AVEN: variants seen among roughly 807,000 people sequenced by gnomAD.
The protein encoded by AVEN is apoptosis and caspase activation inhibitor, also known as cell death regulator Aven.
A neutral mutation model predicts 38.1 loss-of-function variants in AVEN; 41 were observed. The observed-to-expected ratio is 1.08, with a 90% CI of 0.84 to 1.40. The LOEUF (loss-of-function observed/expected upper bound fraction) is 1.40. Among genes scored for constraint, AVEN ranks in the 40% most tolerant of loss-of-function variants. The pLI is 0.00. For synonymous variants in AVEN, 206 were observed against 171.8 expected, an observed-to-expected ratio of 1.20 and a Z score of -1.56; for missense variants, 605 against 438.8, an observed-to-expected ratio of 1.38 and a Z score of -3.38.
intron 2 of AVEN, among the ~76,000 whole-genome samples, chr15:33,932,693 C>T (rs1213015458): frequency 2.6e-5 from 4 of 151,858 alleles, no homozygotes; most frequent in South Asian, 4.2e-4. Context: ...GGTGTGGTGG[C>T]CGGCGCCTGT....
intron 2 of AVEN, among the ~76,000 whole-genome samples, chr15:33,879,382 T>A (rs545575240): frequency 8.4e-6 from 1 of 119,146 alleles, no homozygotes; most frequent in South Asian, 2.8e-4. Flanking sequence ...AAGGGGAACA[T>A]CACACTCTGG....
chr15:33,920,056 A>AC (rs1428929457), intron 2 of AVEN, among the ~76,000 whole-genome samples: 1 of 151,930 alleles, frequency 6.6e-6, no homozygotes. Context: ...CCTCAATAGT[A>AC]CCCCTTGTTA....
At chr15:34,017,484 GTTTTTTTTTTTTT>G (rs60119659) in intron 1 of AVEN, among the ~76,000 whole-genome samples, 3 of 107,366 alleles carry the variant, frequency 2.8e-5, no homozygotes, top group Admixed American at 1.0e-4. Context: ...TTTTTTTTTT[GTTTTTTTTTTTTT>G]TTTGAGACAG....
At chr15:33,888,808 T>C (rs1398121364) in intron 2 of AVEN, among the ~76,000 whole-genome samples, 7 of 152,150 alleles carry the variant, frequency 4.6e-5, no homozygotes. Context: ...TGGAGTGCAG[T>C]GGCGCGATCT....
rs1352921466 is a variant in AVEN at position 34,039,009 on chromosome 15, C to G, written c.38G>C (p.Arg13Pro). 1 of 1,122,432 alleles carries G rather than the reference C, an allele frequency of 8.9e-7. No homozygotes were observed. Among genetic ancestry groups the G allele is most frequent in the Non-Finnish European group, 1.1e-6 (1 of 919,756 alleles). The allele number at this position is 1,122,432 out of a possible 1,614,324, so 69.5% of individuals were successfully genotyped here. A position where few individuals can be genotyped will look rare whatever the true frequency, so the allele number is the denominator to read the frequency against. The change falls in exon 1 of 6, where the codon CGG (arginine) becomes CCG (proline). Residue 13 changes from arginine (R) to proline (P), a missense_variant. Coordinates refer to ENST00000306730, the MANE Select transcript of AVEN (RefSeq NM_020371.3). The part of the protein sequence containing the change: ...AERGARGGRG[R>P]RPGRGRPGGD... ...GCCAGGCCGGCCGCGGCCTGGCCGC[C>G]GCCCACGGCCTCCCCGAGCTCCTCG... is the stretch of plus-strand genomic sequence containing the variant.
Position 33,916,222 on chromosome 15 carries a change from C to T in AVEN, c.446-40227G>A, listed in dbSNP as rs148197366. On this transcript the variant is annotated intron_variant, in intron 2 of 5. Transcript: ENST00000306730. ...CCTCCTGGCAAGAGGCCAACCAACACAAAACTTGTGCAATAAACAAAACTA... is the reference window on the plus strand; with the variant it reads ...CCTCCTGGCAAGAGGCCAACCAACATAAAACTTGTGCAATAAACAAAACTA... Among the ~76,000 whole-genome samples, 1,467 of 152,302 alleles carry T rather than the reference C, an allele frequency of 9.6e-3. 26 individuals carry two copies. Among genetic ancestry groups the T allele is most frequent in the African/African-American group, 0.034 (1,399 of 41,564 alleles).
chr15:34,073,873 C>T (rs1448925490), intron 1 of AVEN, among the ~76,000 whole-genome samples: 1 of 151,952 alleles, frequency 6.6e-6, no homozygotes, highest in Non-Finnish European at 1.5e-5. Context: ...TACTTCTGTC[C>T]TTTTCCATGT....
At chr15:33,974,866 G>A (rs1242705093) in intron 2 of AVEN, among the ~76,000 whole-genome samples, 1 of 152,150 alleles carries the variant, frequency 6.6e-6, no homozygotes, top group African/African-American at 2.4e-5. Context: ...CCCGCTACTT[G>A]GAGGCTGGGG....
At chr15:34,017,497 T>TTTTTTTAGACAGGG (rs1555516619) in intron 1 of AVEN, among the ~76,000 whole-genome samples, 1 of 133,362 alleles carries the variant, frequency 7.5e-6, no homozygotes, top group Non-Finnish European at 1.7e-5. Context: ...TTTTTTTTTT[T>TTTTTTTAGACAGGG]TTTGAGACAG....
intron 2 of AVEN, among the ~76,000 whole-genome samples, chr15:33,890,712 A>G (rs1891907993): frequency 6.6e-6 from 1 of 152,214 alleles, no homozygotes; most frequent in South Asian, 2.1e-4. Flanking sequence ...AGATGAAAAG[A>G]AACTAAGGAT....
At chr15:33,860,453 AG>A in intron 11 of AVEN, 1 of 541,390 alleles carries the variant, frequency 1.8e-6, no homozygotes, top group Non-Finnish European at 3.3e-6. Flanking sequence ...TGTAACACAA[AG>A]AAACACGAGT....
intron 2 of AVEN, among the ~76,000 whole-genome samples, chr15:33,963,951 T>C (rs1241071092): frequency 6.6e-6 from 1 of 151,982 alleles, no homozygotes; most frequent in East Asian, 1.9e-4. Flanking sequence ...AGAGTATTAG[T>C]GGGGCATTCA....
intron 1 of AVEN, among the ~76,000 whole-genome samples, chr15:34,032,086 G>T (rs1472959203): frequency 6.6e-6 from 1 of 151,908 alleles, no homozygotes; most frequent in East Asian, 1.9e-4. Flanking sequence ...AACTAATCCA[G>T]TGCCGTAATA....
chr15:33,961,793 A>G (rs1193792558), intron 2 of AVEN, among the ~76,000 whole-genome samples: 1 of 113,884 alleles, frequency 8.8e-6, no homozygotes, highest in African/African-American at 3.5e-5. Context: ...AGCCTGGGCG[A>G]CAGAGTGAGA....
chr15:34,005,069 C>A (rs1897287253), intron 1 of AVEN, among the ~76,000 whole-genome samples: 1 of 152,028 alleles, frequency 6.6e-6, no homozygotes, highest in Non-Finnish European at 1.5e-5. Context: ...TATAAAAACC[C>A]CAAATTCCCT....
intron 2 of AVEN, among the ~76,000 whole-genome samples, chr15:33,883,498 G>C (rs570396047): frequency 1.3e-5 from 2 of 152,166 alleles, no homozygotes; most frequent in Non-Finnish European, 2.9e-5. Flanking sequence ...TGTATGTACT[G>C]ACACAGAAAG....
At chr15:34,026,621 C>T (rs1898483882) in intron 1 of AVEN, among the ~76,000 whole-genome samples, 2 of 151,372 alleles carry the variant, frequency 1.3e-5, no homozygotes, top group African/African-American at 4.9e-5. Flanking sequence ...GAAAACAGGC[C>T]CATGAAAAGA....
At chr15:33,867,407 A>G in intron 5 of AVEN, 88 bp downstream of exon 5, 1 of 1,480,196 alleles carries the variant, frequency 6.8e-7, no homozygotes, top group Non-Finnish European at 9.0e-7. Flanking sequence ...AGACACCCAG[A>G]GGGATGTGTG....
intron 2 of AVEN, among the ~76,000 whole-genome samples, chr15:33,935,936 T>C (rs1385556607): frequency 6.6e-6 from 1 of 152,222 alleles, no homozygotes; most frequent in Non-Finnish European, 1.5e-5. Context: ...CATTTAGTTT[T>C]GTAATAGTGT....
Sources: gnomAD v4.1 joint callset for allele counts (sites outside exome capture counted in the v4.1 genomes callset) on GRCh38, gnomAD v4.1.1 for gene constraint, MANE v1.5 for transcripts, NCBI Gene and HGNC (gene_info 2026-07-23, HGNC 2026-07-21) for gene names.